Variants in SMPD4 observed in about 807,000 individuals in gnomAD.
SMPD4 encodes the protein sphingomyelin phosphodiesterase 4.
A neutral mutation model predicts 97.8 loss-of-function variants in SMPD4; 58 were observed. The ratio of observed to expected loss-of-function variants is 0.59; its 90% confidence interval spans 0.48 to 0.74. SMPD4 has a LOEUF of 0.74. Among genes scored for constraint, SMPD4 ranks in the 30% least tolerant of loss-of-function variants. The pLI, the probability that SMPD4 is intolerant of heterozygous loss-of-function variation, is 0.00. For synonymous variants in SMPD4, 388 were observed against 450.0 expected, an observed-to-expected ratio of 0.86 and a Z score of 1.74; for missense variants, 853 against 1,080.5, an observed-to-expected ratio of 0.79 and a Z score of 2.95.
At position 130,152,516 on chromosome 2, in the gene SMPD4, GC is replaced by G. The variant is rs1189936661; in HGVS notation, c.*38del. The G allele has an allele frequency of 6.6e-7, 1 of 1,513,310 alleles. No individual in the cohort carries two copies. Among genetic ancestry groups the G allele is most frequent in the African/African-American group, 1.4e-5 (1 of 72,414 alleles). 93.7% of individuals were successfully genotyped at this position (1,513,310 alleles called of 1,614,324 possible). On this transcript the variant is annotated 3_prime_UTR_variant, in exon 20 of 20. Transcript: ENST00000680298. ...CTCAGCCCAAGGGTGGGGCTGTGTGGCAAATCCCTCCAGCCTGCTCTGAAGG... is the reference window on the plus strand; with the variant it reads ...CTCAGCCCAAGGGTGGGGCTGTGTGGAAATCCCTCCAGCCTGCTCTGAAGG...
intron 11 of SMPD4, among the ~76,000 whole-genome samples, chr2:130,160,809 G>A (rs1054645163): frequency 9.9e-5 from 15 of 152,100 alleles, no homozygotes; most frequent in African/African-American, 3.6e-4. Flanking sequence ...CTAAGCGCCA[G>A]ACCCTGCAGA....
chr2:130,177,626 G>GA (rs1296103877), intron 1 of SMPD4, among the ~76,000 whole-genome samples: 1 of 151,700 alleles, frequency 6.6e-6, no homozygotes, highest in African/African-American at 2.4e-5. Context: ...GAACCCAGGA[G>GA]AGGTGGTTGC....
intron 11 of SMPD4, among the ~76,000 whole-genome samples, chr2:130,160,725 C>G (rs1687314010): frequency 1.3e-5 from 2 of 152,052 alleles, no homozygotes; most frequent in Admixed American, 1.3e-4. Flanking sequence ...CACCTCCAGG[C>G]TGGGTGACAG....
intron 12 of SMPD4, 30 bp downstream of exon 12, chr2:130,157,221 C>G (rs1275347893): frequency 1.1e-5 from 17 of 1,550,086 alleles, no homozygotes; most frequent in Non-Finnish European, 1.5e-5. Context: ...GGGGAGACGG[C>G]AGTGGTGGGA....
At chr2:130,179,122 C>CTTTT (rs772317420) in intron 1 of SMPD4, among the ~76,000 whole-genome samples, 1 of 133,872 alleles carries the variant, frequency 7.5e-6, no homozygotes, top group Admixed American at 7.5e-5. Context: ...TTTTTCAATT[C>CTTTT]TTTTTTTTTT....
intron 10 of SMPD4, among the ~76,000 whole-genome samples, chr2:130,161,698 A>C (rs928620849): frequency 3.3e-5 from 5 of 152,182 alleles, no homozygotes; most frequent in Admixed American, 6.5e-5. Flanking sequence ...ATGTGTGGCA[A>C]ATGCAAACCA....
At chr2:130,181,303 G>A in intron 1 of SMPD4, 2 of 1,419,646 alleles carry the variant, frequency 1.4e-6, no homozygotes, top group Non-Finnish European at 1.8e-6. Flanking sequence ...TACCGGACCG[G>A]GACAGAGTGT....
chr2:130,172,687 G>A lies in SMPD4; in HGVS notation c.455-10C>T, dbSNP rs781468894. The A allele has an allele frequency of 1.2e-6, 2 of 1,614,232 alleles. No homozygotes were observed. The highest frequency in any genetic ancestry group is 1.7e-6 in the Non-Finnish European group (2 of 1,180,046). ...TAATACTCGAACGGATCTGAGAGCA[G>A]CGTCAGGGGCAAACATGCAGGGTTG... On this transcript the variant is annotated splice_polypyrimidine_tract_variant and intron_variant, in intron 6 of 19. Transcript: ENST00000680298.
chr2:130,170,772 A>G (rs980883691), intron 8 of SMPD4, among the ~76,000 whole-genome samples: 3 of 151,776 alleles, frequency 2.0e-5, no homozygotes, highest in East Asian at 2.0e-4. Flanking sequence ...TCAAAAAAAA[A>G]AAAATGCTGG....
chr2:130,181,272 G>A lies in SMPD4; in HGVS notation c.-46+258C>T, dbSNP rs371671334. The A allele has an allele frequency of 2.0e-5, 28 of 1,383,148 alleles. No homozygotes were observed. In the East Asian group the frequency reaches 4.9e-4, roughly 24 times the overall value. 85.7% of individuals were successfully genotyped at this position (1,383,148 alleles called of 1,614,324 possible). A position where few individuals can be genotyped will look rare whatever the true frequency, so the allele number is the denominator to read the frequency against. On this transcript the variant is annotated intron_variant, in intron 1 of 19. Coordinates refer to ENST00000680298, the MANE Select transcript of SMPD4 (RefSeq NM_017951.5). ...TCCTTCCCTCAATTCCTTCAACGAA[G>A]GTTAACCTTCAGCGAACACCTACCG...
At chr2:130,155,459 C>T (rs1686686002) in intron 14 of SMPD4, among the ~76,000 whole-genome samples, 200 bp from the exon 15 acceptor site, 1 of 152,104 alleles carries the variant, frequency 6.6e-6, no homozygotes, top group Non-Finnish European at 1.5e-5. Context: ...AGACCCAGGC[C>T]CTCTGAGGAT....
rs2104899003 is a variant in SMPD4 at position 130,172,499 on chromosome 2, G to A, written c.509C>T (p.Pro170Leu). 6.2e-7 allele frequency: 1 copy of A among 1,611,356 alleles called. No individual in the cohort carries two copies. The highest frequency in any genetic ancestry group is 8.5e-7 in the Non-Finnish European group (1 of 1,178,068). The change falls in exon 8 of 20, where the codon CCA becomes CTA. Residue 170 changes from proline (P) to leucine (L), a missense_variant and splice_region_variant. By Grantham distance (98) the Pro-to-Leu change is moderately conservative. Coordinates refer to ENST00000680298, the MANE Select transcript of SMPD4 (RefSeq NM_017951.5). ...ACGGACGTGGAGGGACACAGGAAGT[G>A]GCTGGAAAACCAAGCTAGTTGTTAG... The part of the protein sequence containing the change: ...FFALSLITQK[P>L]LPVSLHVRTS...
At chr2:130,180,855 C>G (rs998051711) in intron 1 of SMPD4, among the ~76,000 whole-genome samples, 1 of 152,136 alleles carries the variant, frequency 6.6e-6, no homozygotes, top group Non-Finnish European at 1.5e-5. Flanking sequence ...TCTCCCACAC[C>G]CCTGTTATCT....
chr2:130,157,108 G>A (rs1199132216), intron 12 of SMPD4, 143 bp downstream of exon 12: 9 of 662,032 alleles, frequency 1.4e-5, no homozygotes, highest in Non-Finnish European at 2.1e-5. Flanking sequence ...CCTAGGCCTG[G>A]AGAGGCCTCA....
chr2:130,158,042 G>A (rs1383366143), intron 11 of SMPD4: 1 of 425,496 alleles, frequency 2.4e-6, no homozygotes, highest in Non-Finnish European at 3.8e-6. Flanking sequence ...CAGGAGGCTA[G>A]GGTGGGAGGA....
intron 9 of SMPD4, among the ~76,000 whole-genome samples, chr2:130,166,985 G>A (rs1385504450): frequency 6.6e-6 from 1 of 152,250 alleles, no homozygotes; most frequent in African/African-American, 2.4e-5. Flanking sequence ...CAAGTTAAAA[G>A]GGTGGGCAGA....
At chr2:130,167,183 C>T (rs1441487928) in intron 9 of SMPD4, among the ~76,000 whole-genome samples, 3 of 151,724 alleles carry the variant, frequency 2.0e-5, no homozygotes, top group Admixed American at 6.6e-5. Context: ...TGCAATGGCA[C>T]GATCTCAGCT....
chr2:130,174,344 C>A (rs1436783522), intron 3 of SMPD4, among the ~76,000 whole-genome samples: 1 of 152,234 alleles, frequency 6.6e-6, no homozygotes, highest in Non-Finnish European at 1.5e-5. Flanking sequence ...GTGATGGAAA[C>A]TTCTGACTTG....
At chr2:130,180,500 T>C (rs1689463648) in intron 1 of SMPD4, among the ~76,000 whole-genome samples, 2 of 152,238 alleles carry the variant, frequency 1.3e-5, no homozygotes, top group Admixed American at 1.3e-4. Flanking sequence ...CTTGAACTCC[T>C]GACCTCGTGA....
Sources: gnomAD v4.1 joint callset for allele counts (sites outside exome capture counted in the v4.1 genomes callset) on GRCh38, gnomAD v4.1.1 for gene constraint, MANE v1.5 for transcripts, NCBI Gene and HGNC (gene_info 2026-07-23, HGNC 2026-07-21) for gene names.